Variants in NRIP1 observed in about 807,000 individuals in gnomAD.
The protein encoded by NRIP1 is nuclear receptor interacting protein 1.
In NRIP1, 28 loss-of-function variants were observed where a neutral mutation model predicts 75.0. The observed-to-expected ratio is 0.37, with a 90% CI of 0.28 to 0.51. The LOEUF (loss-of-function observed/expected upper bound fraction) is 0.51, where lower values mean the gene tolerates loss of function less well. Ranked by LOEUF, NRIP1 falls within the 20% of genes least tolerant of loss-of-function variation. The probability of loss-of-function intolerance (pLI) is 0.92; values close to 1 mark genes in which losing one functional copy is unlikely to be tolerated. For missense variants in NRIP1, 1,435 were observed against 1,343.7 expected (o/e 1.07, Z -1.06); for synonymous variants, 526 against 487.6 (o/e 1.08, Z -1.04).
intron 1 of NRIP1, among the ~76,000 whole-genome samples, chr21:15,064,477 C>T (rs1046671167): frequency 3.3e-5 from 5 of 152,054 alleles, no homozygotes; most frequent in African/African-American, 1.2e-4. Flanking sequence ...GACGGCCGCC[C>T]CCTTGCCCAG....
At position 15,063,596 on chromosome 21, in the gene NRIP1, G is replaced by A. The variant is rs535590803; in HGVS notation, c.-538+1149C>T. On this transcript the variant is annotated intron_variant, in intron 1 of 3. Coordinates refer to ENST00000318948, the MANE Select transcript of NRIP1 (RefSeq NM_003489.4). ...AAAGAGCATTCATCACATATAACCC[G>A]ACAACCATTTTTACTATGGACACCT... 1.4e-3 allele frequency among the ~76,000 whole-genome samples: 212 copies of A among 152,002 alleles called. 1 individual carries two copies. The highest frequency in any genetic ancestry group is 4.8e-3 in the African/African-American group (200 of 41,452).
intron 2 of NRIP1, among the ~76,000 whole-genome samples, chr21:15,033,407 G>A (rs964541699): frequency 6.6e-6 from 1 of 152,058 alleles, no homozygotes; most frequent in Non-Finnish European, 1.5e-5. Flanking sequence ...TAGTAAGTAA[G>A]TGGCAGAGTT....
rs543047962 is a variant in NRIP1 at position 15,022,564 on chromosome 21, G to A, written c.-457-8098C>T. ...TAAAATAAAAGTTGAAGAAAAAAAT[G>A]AGTCTGATGTAAAATACACTGCCAC... On this transcript the variant is annotated intron_variant, in intron 2 of 3. Coordinates refer to ENST00000318948, the MANE Select transcript of NRIP1 (RefSeq NM_003489.4). 3.3e-5 allele frequency among the ~76,000 whole-genome samples: 5 copies of A among 152,290 alleles called. No individual in the cohort carries two copies. The East Asian group carries it at 5.8e-4, about 18-fold the overall frequency.
upstream of NRIP1, chr21:15,065,852 G>A (rs778832354): frequency 7.9e-5 from 12 of 152,396 alleles, no homozygotes; most frequent in Non-Finnish European, 1.2e-4. Flanking sequence ...CCCCGGGAAG[G>A]ATCTGACCCA....
In NRIP1 at chr21:14,968,361, A is replaced by G; in HGVS notation, c.-169T>C. The G allele has an allele frequency of 1.6e-6, 1 of 612,020 alleles. No individual in the cohort carries two copies. Among genetic ancestry groups the G allele is most frequent in the Non-Finnish European group, 2.9e-6 (1 of 340,752 alleles). The allele number at this position is 612,020 out of a possible 1,614,324, so 37.9% of individuals were successfully genotyped here. The stretch of plus-strand genomic sequence containing the variant: ...GTCCAAGATTTCTTCTGGCAATGAC[A>G]AGATAAATGCAGTCTGACCACAGTG... On this transcript the variant is annotated 5_prime_UTR_variant, in exon 4 of 4. Coordinates refer to ENST00000318948, the MANE Select transcript of NRIP1 (RefSeq NM_003489.4).
chr21:14,984,395 T>C, intron 3 of NRIP1, among the ~76,000 whole-genome samples: 1 of 146,478 alleles, frequency 6.8e-6, no homozygotes, highest in Admixed American at 6.9e-5. Flanking sequence ...ACTCCTGAGC[T>C]CAAGTGATCC....
intron 3 of NRIP1, among the ~76,000 whole-genome samples, chr21:14,997,079 A>C (rs2087749550): frequency 6.6e-6 from 1 of 152,178 alleles, no homozygotes; most frequent in African/African-American, 2.4e-5. Context: ...ACTGCTCTTC[A>C]TTCGGCATTC....
At chr21:15,048,768 CTG>C (rs1257862413) in intron 1 of NRIP1, among the ~76,000 whole-genome samples, 2 of 152,176 alleles carry the variant, frequency 1.3e-5, no homozygotes, top group South Asian at 2.1e-4. Context: ...TTACATGACT[CTG>C]AAACTATTCT....
In NRIP1 at chr21:14,967,560, G is replaced by A; in HGVS notation, c.633C>T (p.Ile211=). The A allele has an allele frequency of 6.2e-7, 1 of 1,614,080 alleles. No individual in the cohort carries two copies. Among genetic ancestry groups the A allele is most frequent in the East Asian group, 2.2e-5 (1 of 44,870 alleles). The change falls in exon 4 of 4, where the codon ATC becomes ATT. Residue 211 remains isoleucine, a synonymous_variant. Coordinates refer to ENST00000318948, the MANE Select transcript of NRIP1 (RefSeq NM_003489.4). ...GAGGAGACTCTGCAAACCTATCTCT[G>A]ATGAGGTTTTTAGTCACATCAGGAA... ...TNLPDVTKNL[I]RDRFAESPHH...
chr21:14,968,117 T>C lies in NRIP1; in HGVS notation c.76A>G (p.Met26Val), dbSNP rs765625052. The C allele has an allele frequency of 6.2e-7, 1 of 1,613,970 alleles. No individual in the cohort carries two copies. Among genetic ancestry groups the C allele is most frequent in the Admixed American group, 1.7e-5 (1 of 59,962 alleles). ...CCTGATCCCCCTGCTGCCTGATGCA[T>C]TAGTAATCCTTCTAGGTAAGTTAAA... ...IVLTYLEGLL[M>V]HQAAGGSGTA... is the part of the protein sequence containing the mutation. The change falls in exon 4 of 4, where the codon ATG (methionine) becomes GTG (valine). Residue 26 changes from methionine to valine, a missense_variant. Transcript: ENST00000318948.
At position 14,967,226 on chromosome 21, in the gene NRIP1, T is replaced by C. The variant is rs760721654; in HGVS notation, c.967A>G (p.Ser323Gly). The part of the protein sequence containing the change: ...GSYQLPKGMS[S>G]HLNGQARTSS... ...GTTCTTGCCTGACCATTAAGATGGC[T>C]TGACATTCCTTTTGGGAGCTGGTAA... The change falls in exon 4 of 4, where the codon AGC becomes GGC. Residue 323 changes from serine to glycine, a missense_variant. Coordinates refer to ENST00000318948, the MANE Select transcript of NRIP1 (RefSeq NM_003489.4). 1.9e-6 allele frequency: 3 copies of C among 1,614,050 alleles called. No homozygotes were observed. Among genetic ancestry groups the C allele is most frequent in the Non-Finnish European group, 2.5e-6 (3 of 1,180,006 alleles).
intron 1 of NRIP1, among the ~76,000 whole-genome samples, chr21:15,044,491 G>A (rs1270711238): frequency 6.6e-6 from 1 of 151,920 alleles, no homozygotes; most frequent in Non-Finnish European, 1.5e-5. Flanking sequence ...GAAGCTAGCG[G>A]TGATAAGGGA....
chr21:15,056,489 T>A (rs578102944), intron 1 of NRIP1, among the ~76,000 whole-genome samples: 1 of 152,214 alleles, frequency 6.6e-6, no homozygotes, highest in South Asian at 2.1e-4. Flanking sequence ...TTCACATAGA[T>A]TCAGTGTATT....
Position 14,965,186 on chromosome 21 carries a change from G to C in NRIP1, c.3007C>G (p.Pro1003Ala), listed in dbSNP as rs757421679. ...CTCACAGGAGTTTTTACTACACCTG[G>C]GTATGAAAATGTCCTGTTATCCATG... Reference protein sequence around the residue: ...SCMDNRTFSYPGVVKTPVSPT... With the variant: ...SCMDNRTFSYAGVVKTPVSPT... The change falls in exon 4 of 4, where the codon CCA becomes GCA. Residue 1003 changes from proline to alanine, a missense_variant. Physicochemically the swap from Pro to Ala is conservative, Grantham distance 27 (BLOSUM62 -1). Coordinates refer to ENST00000318948, the MANE Select transcript of NRIP1 (RefSeq NM_003489.4). The C allele has an allele frequency of 1.5e-5, 25 of 1,613,462 alleles. 1 individual carries two copies. The South Asian group carries it at 2.3e-4, about 15-fold the overall frequency.
intron 3 of NRIP1, among the ~76,000 whole-genome samples, chr21:15,006,093 A>C (rs1041450465): frequency 2.0e-5 from 3 of 152,208 alleles, no homozygotes; most frequent in Non-Finnish European, 4.4e-5. Flanking sequence ...ATAGCTTACT[A>C]AAATTACAGG....
chr21:15,012,361 T>A (rs575896098), intron 3 of NRIP1, among the ~76,000 whole-genome samples: 8 of 152,088 alleles, frequency 5.3e-5, no homozygotes, highest in African/African-American at 1.9e-4. Context: ...TTTAAAAATA[T>A]GTGAAAGGAA....
intron 2 of NRIP1, among the ~76,000 whole-genome samples, chr21:15,031,231 TG>T: frequency 6.9e-6 from 1 of 145,872 alleles, no homozygotes; most frequent in East Asian, 2.4e-4. Context: ...GTATACACTC[TG>T]GAAGGTGGTT....
chr21:15,028,448 T>C (rs2088571325), intron 2 of NRIP1, among the ~76,000 whole-genome samples: 1 of 152,214 alleles, frequency 6.6e-6, no homozygotes, highest in Admixed American at 6.5e-5. Context: ...AGAAGGATCA[T>C]TGCTTCACGT....
intron 3 of NRIP1, among the ~76,000 whole-genome samples, chr21:14,994,218 G>A (rs2087654676): frequency 6.6e-6 from 1 of 152,212 alleles, no homozygotes; most frequent in South Asian, 2.1e-4. Context: ...TCCGCCTCCC[G>A]AGTTCAAGTG....
Sources: gnomAD v4.1 joint callset for allele counts (sites outside exome capture counted in the v4.1 genomes callset) on GRCh38, gnomAD v4.1.1 for gene constraint, MANE v1.5 for transcripts, NCBI Gene and HGNC (gene_info 2026-07-23, HGNC 2026-07-21) for gene names.